The following GALNTL6 variants were observed in gnomAD, a reference collection of about 807,000 sequenced individuals.
GALNTL6 encodes polypeptide N-acetylgalactosaminyltransferase-like 6.
GALNTL6 carries 46 observed loss-of-function variants against 73.7 expected under a neutral mutation model. That is an observed-to-expected ratio of 0.62 (90% CI 0.49 to 0.80). The LOEUF is 0.80. GALNTL6 is among the 30% of genes least tolerant of loss of function. The probability of loss-of-function intolerance (pLI) is 0.00; values close to 1 mark genes in which losing one functional copy is unlikely to be tolerated. For synonymous variants in GALNTL6, 259 were observed against 263.7 expected, an observed-to-expected ratio of 0.98 and a Z score of 0.17; for missense variants, 604 against 755.0, an observed-to-expected ratio of 0.80 and a Z score of 2.34.
At chr4:172,138,499 A>T (rs1733705396) in intron 2 of GALNTL6, among the ~76,000 whole-genome samples, 1 of 7,568 alleles carries the variant, frequency 1.3e-4, no homozygotes, top group Non-Finnish European at 3.0e-4. Context: ...ATATATATAT[A>T]TATATATATA....
intron 2 of GALNTL6, among the ~76,000 whole-genome samples, chr4:172,091,391 G>A (rs6553607): frequency 0.9 from 136,843 of 152,112 alleles, 62,485 homozygotes; most frequent in East Asian, 1. Context: ...TTATGAATTG[G>A]GTGAATACCT....
intron 2 of GALNTL6, among the ~76,000 whole-genome samples, chr4:172,133,308 C>T (rs1419671713): frequency 4.6e-5 from 7 of 152,242 alleles, no homozygotes; most frequent in South Asian, 2.1e-4. Context: ...ACTGGTTCTG[C>T]GTACATTAGT....
At chr4:172,853,436 A>C (rs1164523214) in intron 7 of GALNTL6, among the ~76,000 whole-genome samples, 1 of 152,224 alleles carries the variant, frequency 6.6e-6, no homozygotes, top group African/African-American at 2.4e-5. Context: ...TCTTTAAAAC[A>C]GTCTGGATGG....
chr4:172,897,446 T>A (rs1005884536), intron 8 of GALNTL6, among the ~76,000 whole-genome samples: 2 of 152,170 alleles, frequency 1.3e-5, no homozygotes, highest in Non-Finnish European at 2.9e-5. Context: ...CCATGGCAAT[T>A]TTCGGATTCA....
chr4:172,168,389 C>G (rs933918039), intron 2 of GALNTL6, among the ~76,000 whole-genome samples: 1 of 152,198 alleles, frequency 6.6e-6, no homozygotes, highest in African/African-American at 2.4e-5. Flanking sequence ...TCAAGAGATT[C>G]TCCTGCCTCA....
rs1256308002 is a variant in GALNTL6, at chr4:172,255,496, A to G, written c.247+25732A>G. Among the ~76,000 whole-genome samples, 5 of 151,554 alleles carry G rather than the reference A, an allele frequency of 3.3e-5. No homozygotes were observed. The East Asian group carries it at 7.7e-4, about 23-fold the overall frequency. On this transcript the variant is annotated intron_variant, in intron 3 of 12. Coordinates refer to ENST00000506823, the MANE Select transcript of GALNTL6 (RefSeq NM_001034845.3). ...ATACCACAAGTTGGGCCTTTACTCCAATTAATAACTAGTAACCTCTAAATG... is the reference window on the plus strand; with the variant it reads ...ATACCACAAGTTGGGCCTTTACTCCGATTAATAACTAGTAACCTCTAAATG...
chr4:172,519,445 T>C (rs1286353168), intron 5 of GALNTL6, among the ~76,000 whole-genome samples: 1 of 151,014 alleles, frequency 6.6e-6, no homozygotes, highest in Non-Finnish European at 1.5e-5. Flanking sequence ...TGCCAAATGA[T>C]TGCTTGTGTC....
chr4:172,337,438 A>C (rs1457957824), intron 4 of GALNTL6, among the ~76,000 whole-genome samples: 1 of 152,170 alleles, frequency 6.6e-6, no homozygotes, highest in Admixed American at 6.5e-5. Context: ...TTTCTATGTT[A>C]AGAACTCCTA....
At position 171,818,993 on chromosome 4, in the gene GALNTL6, T is replaced by G. The variant is rs571093498; in HGVS notation, c.138+4275T>G. 3.2e-3 allele frequency among the ~76,000 whole-genome samples: 483 copies of G among 150,780 alleles called. 3 individuals are homozygous for G. The highest frequency in any genetic ancestry group is 6.8e-3 in the Middle Eastern group (2 of 294). ...TGGTACCCAGTGTATGCAAACTGTC[T>G]TAGGCATTTTTTTTTTAACATGCTG... On this transcript the variant is annotated intron_variant, in intron 2 of 12. Transcript: ENST00000506823.
chr4:171,915,708 T>C (rs1223269683), intron 2 of GALNTL6, among the ~76,000 whole-genome samples: 2 of 152,200 alleles, frequency 1.3e-5, no homozygotes, highest in Non-Finnish European at 2.9e-5. Context: ...AGTATTTCAT[T>C]TTTTGCTAGT....
intron 2 of GALNTL6, among the ~76,000 whole-genome samples, chr4:171,887,248 G>C (rs1772839610): frequency 6.6e-6 from 1 of 152,070 alleles, no homozygotes; most frequent in Admixed American, 6.6e-5. Flanking sequence ...CCCAACATTT[G>C]CGTTGGGGTT....
intron 5 of GALNTL6, among the ~76,000 whole-genome samples, chr4:172,398,053 T>A (rs1347672473): frequency 6.6e-6 from 1 of 152,214 alleles, no homozygotes; most frequent in Non-Finnish European, 1.5e-5. Context: ...TTGTCTTTTC[T>A]GTTTTATTTC....
chr4:172,602,912 A>T (rs1397490369), intron 5 of GALNTL6, among the ~76,000 whole-genome samples: 1 of 152,222 alleles, frequency 6.6e-6, no homozygotes, highest in Non-Finnish European at 1.5e-5. Context: ...CAAACTGCTG[A>T]TACACAGAAC....
At chr4:172,630,761 A>G (rs979686119) in intron 5 of GALNTL6, among the ~76,000 whole-genome samples, 3 of 150,384 alleles carry the variant, frequency 2.0e-5, no homozygotes, top group South Asian at 2.1e-4. Context: ...CCACAAAGCT[A>G]TCTTGTTTTT....
intron 2 of GALNTL6, among the ~76,000 whole-genome samples, chr4:172,037,744 A>G (rs1560895339): frequency 6.6e-6 from 1 of 152,188 alleles, no homozygotes; most frequent in Non-Finnish European, 1.5e-5. Context: ...CAATATTGCT[A>G]TATCCACACT....
chr4:171,912,319 A>G (rs1224905716), intron 2 of GALNTL6, among the ~76,000 whole-genome samples: 3 of 152,100 alleles, frequency 2.0e-5, no homozygotes, highest in Middle Eastern at 3.2e-3. Flanking sequence ...ACATTTTGCC[A>G]TTTCTTTTAA....
intron 3 of GALNTL6, among the ~76,000 whole-genome samples, chr4:172,308,830 C>T (rs148852755): frequency 2.0e-5 from 3 of 152,270 alleles, no homozygotes; most frequent in East Asian, 1.9e-4. Flanking sequence ...TGCTAGTGAA[C>T]ATTAGTCTCT....
intron 9 of GALNTL6, among the ~76,000 whole-genome samples, chr4:172,937,530 G>C (rs184826381): frequency 6.6e-6 from 1 of 152,300 alleles, no homozygotes; most frequent in East Asian, 1.9e-4. Flanking sequence ...TTTCCATCCA[G>C]AATTCTGAGA....
At chr4:172,791,449 G>A (rs1739990623) in intron 5 of GALNTL6, among the ~76,000 whole-genome samples, 1 of 152,148 alleles carries the variant, frequency 6.6e-6, no homozygotes, top group Non-Finnish European at 1.5e-5. Context: ...TGAGTGATTT[G>A]GTTTGGATTA....
Sources: gnomAD v4.1 joint callset for allele counts (sites outside exome capture counted in the v4.1 genomes callset) on GRCh38, gnomAD v4.1.1 for gene constraint, MANE v1.5 for transcripts, NCBI Gene and HGNC (gene_info 2026-07-23, HGNC 2026-07-21) for gene names.